The following AGBL1 variants were observed in gnomAD, a reference collection of about 807,000 sequenced individuals.
AGBL1 encodes the protein AGBL carboxypeptidase 1.
AGBL1 carries 130 observed loss-of-function variants against 118.9 expected under a neutral mutation model. The ratio of observed to expected loss-of-function variants is 1.09; its 90% CI spans 0.95 to 1.26. The LOEUF (loss-of-function observed/expected upper bound fraction) is 1.26, where lower values mean the gene tolerates loss of function less well. Ranked by LOEUF, AGBL1 falls within the 50% of genes most tolerant of loss-of-function variation. AGBL1 has a pLI of 0.00. For synonymous variants in AGBL1, 555 were observed against 478.9 expected (o/e 1.16, Z -2.08); for missense variants, 1,584 against 1,298.1 (o/e 1.22, Z -3.38).
At chr15:86,805,916 C>T (rs2078708401) in intron 22 of AGBL1, among the ~76,000 whole-genome samples, 1 of 152,120 alleles carries the variant, frequency 6.6e-6, no homozygotes, top group African/African-American at 2.4e-5. Context: ...GTCTACAACA[C>T]TACAGTTAGA....
At chr15:86,188,870 A>G (rs111352185) in intron 5 of AGBL1, among the ~76,000 whole-genome samples, 22 of 152,342 alleles carry the variant, frequency 1.4e-4, no homozygotes, top group Non-Finnish European at 1.9e-4. Flanking sequence ...TATGTTGAGG[A>G]TGAGAATGGG....
chr15:86,180,949 A>G (rs535310382), intron 5 of AGBL1, among the ~76,000 whole-genome samples: 1 of 152,266 alleles, frequency 6.6e-6, no homozygotes, highest in Non-Finnish European at 1.5e-5. Flanking sequence ...AGGGAAATTC[A>G]TATTAAAACT....
chr15:86,108,570 C>A (rs1215019419), intron 1 of AGBL1, among the ~76,000 whole-genome samples: 1 of 152,052 alleles, frequency 6.6e-6, no homozygotes. Flanking sequence ...CAAGTGGATA[C>A]GTTTAGGTGC....
intron 22 of AGBL1, among the ~76,000 whole-genome samples, chr15:86,846,793 A>G (rs1211842836): frequency 6.6e-6 from 1 of 152,176 alleles, no homozygotes; most frequent in Non-Finnish European, 1.5e-5. Context: ...CGGCCTCCCA[A>G]AGTGCTGGGA....
chr15:86,440,289 C>T (rs1596117894), intron 18 of AGBL1, among the ~76,000 whole-genome samples: 1 of 151,864 alleles, frequency 6.6e-6, no homozygotes, highest in Admixed American at 6.6e-5. Context: ...AGAATCTGCC[C>T]AACCAGAGAA....
intron 17 of AGBL1, among the ~76,000 whole-genome samples, chr15:86,321,840 CTA>C (rs2141844597): frequency 6.7e-6 from 1 of 150,274 alleles, no homozygotes; most frequent in African/African-American, 2.5e-5. Flanking sequence ...ACTGGCTTTT[CTA>C]TGTGATATTT....
At chr15:86,428,173 G>A (rs2081890335) in intron 18 of AGBL1, among the ~76,000 whole-genome samples, 2 of 152,172 alleles carry the variant, frequency 1.3e-5, no homozygotes, top group African/African-American at 2.4e-5. Flanking sequence ...AAGCCAACAT[G>A]AAGGTGGAAT....
downstream of AGBL1, among the ~76,000 whole-genome samples, chr15:87,030,582 A>G (rs759415320): frequency 1.3e-4 from 20 of 151,992 alleles, no homozygotes; most frequent in Non-Finnish European, 2.6e-4. Context: ...AGGAAAGAGT[A>G]GAGAAAATGA....
intron 5 of AGBL1, among the ~76,000 whole-genome samples, chr15:86,204,472 A>G (rs10152455): frequency 1.0e-4 from 15 of 149,154 alleles, no homozygotes; most frequent in African/African-American, 3.7e-4. Flanking sequence ...CCCTTCCCTT[A>G]CCTTCCCTTC....
intron 17 of AGBL1, among the ~76,000 whole-genome samples, chr15:86,394,674 T>G (rs990326978): frequency 2.6e-5 from 4 of 152,186 alleles, no homozygotes; most frequent in Non-Finnish European, 5.9e-5. Context: ...AGTCACCATC[T>G]TTAGCATGTG....
intron 18 of AGBL1, among the ~76,000 whole-genome samples, chr15:86,434,817 G>C (rs904716116): frequency 2.0e-5 from 3 of 152,204 alleles, no homozygotes; most frequent in East Asian, 3.8e-4. Flanking sequence ...TGCAAAGCTT[G>C]ATTAAATGGA....
intron 22 of AGBL1, among the ~76,000 whole-genome samples, chr15:86,900,777 G>A (rs1433513050): frequency 6.6e-6 from 1 of 151,978 alleles, no homozygotes; most frequent in East Asian, 1.9e-4. Flanking sequence ...CTGGGTGAAA[G>A]ATTGTGTCTT....
At chr15:86,411,647 C>T (rs962239557) in intron 18 of AGBL1, among the ~76,000 whole-genome samples, 4 of 152,164 alleles carry the variant, frequency 2.6e-5, no homozygotes, top group Non-Finnish European at 4.4e-5. Context: ...ATGCTTTCTT[C>T]TCTATTTACA....
chr15:86,722,253 A>G (rs979392661), intron 22 of AGBL1, among the ~76,000 whole-genome samples: 1 of 152,216 alleles, frequency 6.6e-6, no homozygotes, highest in African/African-American at 2.4e-5. Context: ...CTGACTTCAA[A>G]CTCTACTACA....
intron 17 of AGBL1, among the ~76,000 whole-genome samples, chr15:86,361,719 TA>T (rs2080808490): frequency 6.6e-6 from 1 of 152,168 alleles, no homozygotes; most frequent in African/African-American, 2.4e-5. Flanking sequence ...TTTTTGACAA[TA>T]TTTTTTGTAT....
intron 6 of AGBL1, among the ~76,000 whole-genome samples, chr15:86,236,030 A>G (rs983354199): frequency 6.6e-6 from 1 of 152,252 alleles, no homozygotes; most frequent in African/African-American, 2.4e-5. Context: ...TGTAATATGC[A>G]CTTGGCATAT....
At chr15:86,426,551 A>C (rs1461386585) in intron 18 of AGBL1, among the ~76,000 whole-genome samples, 1 of 152,228 alleles carries the variant, frequency 6.6e-6, no homozygotes, top group African/African-American at 2.4e-5. Context: ...GCCAGATGGA[A>C]CCGGCCAACA....
At chr15:86,717,492 A>G (rs1180593057) in intron 22 of AGBL1, among the ~76,000 whole-genome samples, 1 of 152,102 alleles carries the variant, frequency 6.6e-6, no homozygotes, top group Non-Finnish European at 1.5e-5. Context: ...AAAGATAAGC[A>G]CATTTAGTTC....
chr15:86,962,456 GA>G (rs1030028451), intron 23 of AGBL1, among the ~76,000 whole-genome samples: 4 of 151,664 alleles, frequency 2.6e-5, no homozygotes, highest in East Asian at 1.9e-4. Flanking sequence ...GTCTTTAAAA[GA>G]AAAAAATCTC....
Sources: allele counts gnomAD v4.1 joint callset (sites outside exome capture counted in the v4.1 genomes callset), GRCh38; gene constraint gnomAD v4.1.1; transcripts MANE v1.5; gene names NCBI Gene and HGNC (gene_info 2026-07-23, HGNC 2026-07-21).